The following LINGO2 variants were observed in gnomAD, a reference collection of about 807,000 sequenced individuals.
The protein encoded by LINGO2 is leucine-rich repeat and immunoglobulin-like domain-containing nogo receptor-interacting protein 2.
A neutral mutation model predicts 30.6 loss-of-function variants in LINGO2; 14 were observed. The ratio of observed to expected loss-of-function variants is 0.46; its 90% CI spans 0.30 to 0.72. The LOEUF (loss-of-function observed/expected upper bound fraction) is 0.72. LINGO2 is among the 30% of genes least tolerant of loss of function. LINGO2 has a pLI of 0.07. For missense variants in LINGO2, 729 were observed against 751.7 expected, an observed-to-expected ratio of 0.97 and a Z score of 0.35; for synonymous variants, 317 against 288.5, an observed-to-expected ratio of 1.10 and a Z score of -1.00.
chr9:28,133,583 A>T (rs1166263296), intron 4 of LINGO2, among the ~76,000 whole-genome samples: 1 of 152,210 alleles, frequency 6.6e-6, no homozygotes, highest in Admixed American at 6.5e-5. Flanking sequence ...TTGAAGTATT[A>T]TCTTAAATCA....
chr9:28,787,133 GTAGA>G, the LINGO2 span, among the ~76,000 whole-genome samples: 1 of 152,120 alleles, frequency 6.6e-6, no homozygotes, highest in Non-Finnish European at 1.5e-5. Flanking sequence ...CTGGACCTAG[GTAGA>G]TAGAGAAGTT....
chr9:29,141,521 G>C, the LINGO2 span, among the ~76,000 whole-genome samples: 1 of 151,618 alleles, frequency 6.6e-6, no homozygotes, highest in Non-Finnish European at 1.5e-5. Flanking sequence ...AAAGGGAAAA[G>C]ACAGAAAACA....
chr9:28,659,418 G>A (rs903494397), intron 1 of LINGO2, among the ~76,000 whole-genome samples: 1 of 151,788 alleles, frequency 6.6e-6, no homozygotes, highest in Non-Finnish European at 1.5e-5. Context: ...GACAGCAATA[G>A]CTTGACAGCT....
At chr9:28,451,670 G>A (rs1038620423) in intron 2 of LINGO2, among the ~76,000 whole-genome samples, 4 of 151,562 alleles carry the variant, frequency 2.6e-5, no homozygotes, top group East Asian at 1.9e-4. Flanking sequence ...ACTAAATTTC[G>A]GATGGTAAAT....
At chr9:28,557,562 G>C (rs539132601) in intron 1 of LINGO2, among the ~76,000 whole-genome samples, 1 of 152,088 alleles carries the variant, frequency 6.6e-6, no homozygotes, top group East Asian at 1.9e-4. Flanking sequence ...CTGTAAACTA[G>C]TTCAACCATT....
intron 1 of LINGO2, among the ~76,000 whole-genome samples, chr9:28,558,159 A>G (rs540919445): frequency 2.4e-4 from 36 of 148,438 alleles, no homozygotes; most frequent in African/African-American, 9.2e-4. Flanking sequence ...AAATAAAAAT[A>G]GAATAAAACC....
the LINGO2 span, among the ~76,000 whole-genome samples, chr9:29,086,323 C>T: frequency 6.6e-6 from 1 of 151,780 alleles, no homozygotes; most frequent in African/African-American, 2.4e-5. Context: ...AAATAGAGCC[C>T]TAAATTTTTG....
the LINGO2 span, among the ~76,000 whole-genome samples, chr9:28,987,643 G>A: frequency 6.6e-6 from 1 of 151,906 alleles, no homozygotes; most frequent in Non-Finnish European, 1.5e-5. Context: ...TTGTTTATCT[G>A]AGATCCCTCT....
chr9:28,380,416 G>C lies in LINGO2; in HGVS notation c.-278-7548C>G, dbSNP rs562757988. The stretch of plus-strand genomic sequence containing the variant: ...TTTTTTTTTTTTTCCAATGGTAAGA[G>C]TCTTTAAAATACAATACTTCATGGA... On this transcript the variant is annotated intron_variant, in intron 2 of 5. Coordinates refer to ENST00000379992, the Ensembl canonical transcript of LINGO2. 2.0e-5 allele frequency among the ~76,000 whole-genome samples: 3 copies of C among 147,856 alleles called. No homozygotes were observed. The East Asian group carries it at 5.9e-4, about 29-fold the overall frequency.
At chr9:27,994,014 A>G (rs13288257) in intron 5 of LINGO2, among the ~76,000 whole-genome samples, 5,082 of 152,226 alleles carry the variant, frequency 0.033, 123 homozygotes, top group Non-Finnish European at 0.055. Context: ...GAAACTGTAC[A>G]AAAAATATGG....
chr9:28,400,856 G>T (rs368062485), intron 2 of LINGO2, among the ~76,000 whole-genome samples: 1 of 152,260 alleles, frequency 6.6e-6, no homozygotes, highest in South Asian at 2.1e-4. Context: ...CAACATATGA[G>T]GGTGTTTGAA....
At chr9:29,151,471 A>G in the LINGO2 span, among the ~76,000 whole-genome samples, 8 of 152,340 alleles carry the variant, frequency 5.3e-5, no homozygotes, top group South Asian at 1.7e-3. Context: ...CTGGATAATA[A>G]TACAATACAA....
At chr9:28,878,244 T>C in the LINGO2 span, among the ~76,000 whole-genome samples, 2 of 151,958 alleles carry the variant, frequency 1.3e-5, no homozygotes, top group Non-Finnish European at 2.9e-5. Context: ...CTAGAAGAAA[T>C]GGATAAATTC....
chr9:29,202,393 T>TTAA, the LINGO2 span, among the ~76,000 whole-genome samples: 1,065 of 152,128 alleles, frequency 7.0e-3, 4 homozygotes, highest in Non-Finnish European at 0.011. Flanking sequence ...TTGAGTGGCT[T>TTAA]TATTAGTAAG....
intron 1 of LINGO2, among the ~76,000 whole-genome samples, chr9:28,631,117 C>A (rs375344888): frequency 7.9e-5 from 12 of 151,642 alleles, no homozygotes; most frequent in Admixed American, 4.6e-4. Context: ...AGGATCAATG[C>A]TACATTTATT....
intron 2 of LINGO2, among the ~76,000 whole-genome samples, chr9:28,376,941 T>C (rs745674796): frequency 4.0e-5 from 6 of 151,132 alleles, no homozygotes; most frequent in Non-Finnish European, 8.8e-5. Flanking sequence ...TATTTCAGCC[T>C]GTAAGTCATC....
At chr9:28,716,993 T>C in the LINGO2 span, among the ~76,000 whole-genome samples, 1 of 152,052 alleles carries the variant, frequency 6.6e-6, no homozygotes, top group Non-Finnish European at 1.5e-5. Flanking sequence ...TATACAATTA[T>C]AGACAATAAT....
At chr9:28,010,772 G>T (rs1410483097) in intron 5 of LINGO2, among the ~76,000 whole-genome samples, 1 of 152,144 alleles carries the variant, frequency 6.6e-6, no homozygotes, top group Non-Finnish European at 1.5e-5. Flanking sequence ...GGAGAATATT[G>T]TGAGACCCTG....
At chr9:28,127,664 T>C (rs537421690) in intron 4 of LINGO2, among the ~76,000 whole-genome samples, 1 of 152,272 alleles carries the variant, frequency 6.6e-6, no homozygotes, top group Non-Finnish European at 1.5e-5. Context: ...GGAAATGTCC[T>C]CTCTATGGTG....
Sources: gnomAD v4.1 joint callset for allele counts (sites outside exome capture counted in the v4.1 genomes callset) on GRCh38, gnomAD v4.1.1 for gene constraint, MANE v1.5 for transcripts, NCBI Gene and HGNC (gene_info 2026-07-23, HGNC 2026-07-21) for gene names.